The following ARMC3 variants were observed in gnomAD, a reference collection of about 807,000 sequenced individuals.
ARMC3 encodes the protein armadillo repeat containing 3, also known as armadillo repeat-containing protein 3.
A neutral mutation model predicts 90.3 loss-of-function variants in ARMC3; 74 were observed. That is an observed-to-expected ratio of 0.82 (90% CI 0.68 to 0.99). The LOEUF (loss-of-function observed/expected upper bound fraction) is 0.99, where lower values mean the gene tolerates loss of function less well. ARMC3 is among the 50% of genes least tolerant of loss of function. ARMC3 has a pLI of 0.00. For synonymous variants in ARMC3, 334 were observed against 361.8 expected (o/e 0.92, Z 0.87); for missense variants, 958 against 1,042.8 (o/e 0.92, Z 1.12).
chr10:23,009,029 A>G, intron 16 of ARMC3, 98 bp downstream of exon 16: 1 of 936,570 alleles, frequency 1.1e-6, no homozygotes, highest in African/African-American at 1.7e-5. Context: ...CAGGGTGTTG[A>G]ACCAGGCAAG....
At chr10:22,977,854 C>G (rs1019799700) in intron 8 of ARMC3, among the ~76,000 whole-genome samples, 2 of 152,196 alleles carry the variant, frequency 1.3e-5, no homozygotes, top group African/African-American at 2.4e-5. Context: ...TGAATGAATG[C>G]TCTTCTCATT....
At chr10:22,998,737 T>G (rs1382104108) in intron 11 of ARMC3, among the ~76,000 whole-genome samples, 4 of 152,228 alleles carry the variant, frequency 2.6e-5, no homozygotes, top group African/African-American at 9.6e-5. Context: ...CATCGTGCTG[T>G]AGCCATAAAA....
chr10:22,959,688 C>T, intron 6 of ARMC3, 114 bp downstream of exon 6: 2 of 977,010 alleles, frequency 2.0e-6, no homozygotes, highest in Non-Finnish European at 3.0e-6. Context: ...ATCAGATCTT[C>T]TTGTTACTGG....
chr10:22,984,881 G>C (rs947925022), intron 10 of ARMC3, among the ~76,000 whole-genome samples: 2 of 146,014 alleles, frequency 1.4e-5, no homozygotes, highest in African/African-American at 5.0e-5. Flanking sequence ...TCAACCTTCT[G>C]TTTTTTTTTT....
intron 7 of ARMC3, among the ~76,000 whole-genome samples, chr10:22,963,783 G>A (rs1835303674): frequency 1.3e-5 from 2 of 151,386 alleles, no homozygotes; most frequent in South Asian, 4.2e-4. Context: ...CCAGCTACTA[G>A]GGAGGCTGAG....
intron 3 of ARMC3, among the ~76,000 whole-genome samples, chr10:22,947,833 A>C (rs1834595166): frequency 6.6e-6 from 1 of 152,232 alleles, no homozygotes; most frequent in Non-Finnish European, 1.5e-5. Flanking sequence ...TTTAAAAATT[A>C]TAAATATTAC....
intron 7 of ARMC3, among the ~76,000 whole-genome samples, chr10:22,967,646 T>C (rs1292563287): frequency 2.0e-5 from 3 of 152,192 alleles, no homozygotes; most frequent in African/African-American, 7.2e-5. Context: ...GTGCTGTAAC[T>C]GAGTCTTCAA....
intron 3 of ARMC3, among the ~76,000 whole-genome samples, chr10:22,954,022 G>T (rs1440985733): frequency 6.6e-6 from 1 of 152,162 alleles, no homozygotes; most frequent in African/African-American, 2.4e-5. Flanking sequence ...ACACTAGCTG[G>T]CACTTGATGC....
chr10:23,037,587 A>C lies in ARMC3; in HGVS notation c.*108A>C. 1 of 1,003,572 alleles carries C rather than the reference A, an allele frequency of 1.0e-6. No homozygotes were observed. The highest frequency in any genetic ancestry group is 2.8e-5 in the East Asian group (1 of 35,722). The allele number at this position is 1,003,572 out of a possible 1,614,324, so 62.2% of individuals were successfully genotyped here. On this transcript the variant is annotated 3_prime_UTR_variant, in exon 19 of 19. Coordinates refer to ENST00000298032, the MANE Select transcript of ARMC3 (RefSeq NM_173081.5). ...TCTTTAAATAAAAACTTTAAATAAAAGTATTAGAAATGTTTTCTCTGCGTA... is the reference window on the plus strand; with the variant it reads ...TCTTTAAATAAAAACTTTAAATAAACGTATTAGAAATGTTTTCTCTGCGTA...
At chr10:22,986,806 T>C (rs915336872) in intron 10 of ARMC3, among the ~76,000 whole-genome samples, 2 of 152,086 alleles carry the variant, frequency 1.3e-5, no homozygotes, top group African/African-American at 4.8e-5. Flanking sequence ...CTTCTAATTA[T>C]TATCTACAGA....
chr10:22,951,027 T>A (rs1431453853), intron 3 of ARMC3, among the ~76,000 whole-genome samples: 1 of 150,462 alleles, frequency 6.6e-6, no homozygotes, highest in Non-Finnish European at 1.5e-5. Context: ...AAGCTCCGCC[T>A]CCCGGCTTCA....
At chr10:22,992,656 T>C (rs536029826) in intron 10 of ARMC3, among the ~76,000 whole-genome samples, 2 of 152,324 alleles carry the variant, frequency 1.3e-5, no homozygotes, top group South Asian at 4.1e-4. Context: ...GGGGCACATA[T>C]ACTAGCGTCC....
At chr10:23,012,606 A>G (rs937706188) in intron 16 of ARMC3, among the ~76,000 whole-genome samples, 1 of 152,038 alleles carries the variant, frequency 6.6e-6, no homozygotes, top group Non-Finnish European at 1.5e-5. Flanking sequence ...GTGCTTGTTC[A>G]TGTTAATCAT....
intron 7 of ARMC3, 30 bp downstream of exon 7, chr10:22,962,108 T>C: frequency 1.4e-6 from 2 of 1,433,306 alleles, no homozygotes; most frequent in South Asian, 1.5e-5. Context: ...CCACCCTCTA[T>C]GAGGAAATGT....
intron 3 of ARMC3, among the ~76,000 whole-genome samples, chr10:22,950,011 T>A (rs1834681202): frequency 6.6e-6 from 1 of 151,952 alleles, no homozygotes; most frequent in Non-Finnish European, 1.5e-5. Flanking sequence ...AAATAAAAAC[T>A]TTCAACACAG....
intron 16 of ARMC3, among the ~76,000 whole-genome samples, chr10:23,011,168 T>G (rs1319841959): frequency 6.6e-6 from 1 of 152,160 alleles, no homozygotes; most frequent in Admixed American, 6.5e-5. Flanking sequence ...TTGAATAGTT[T>G]ATTTTCATCT....
chr10:23,026,845 T>C (rs1372781205), intron 16 of ARMC3, among the ~76,000 whole-genome samples: 1 of 152,208 alleles, frequency 6.6e-6, no homozygotes, highest in African/African-American at 2.4e-5. Context: ...TCAAGTCGAA[T>C]TGCCCCAGTA....
intron 2 of ARMC3, among the ~76,000 whole-genome samples, chr10:22,940,099 A>ACACT (rs1193603991): frequency 1.3e-5 from 2 of 152,234 alleles, no homozygotes; most frequent in African/African-American, 4.8e-5. Flanking sequence ...TACCATGCAA[A>ACACT]CACTAATCAT....
intron 1 of ARMC3, among the ~76,000 whole-genome samples, chr10:22,929,267 GGA>G (rs931480338): frequency 1.4e-4 from 18 of 131,280 alleles, no homozygotes; most frequent in Admixed American, 6.9e-4. Context: ...AGAGAGAGAG[GGA>G]GAGAGAGAGA....
Sources: allele counts gnomAD v4.1 joint callset (sites outside exome capture counted in the v4.1 genomes callset), GRCh38; gene constraint gnomAD v4.1.1; transcripts MANE v1.5; gene names NCBI Gene and HGNC (gene_info 2026-07-23, HGNC 2026-07-21).